CDH2: variants seen among roughly 807,000 people sequenced by gnomAD.
The protein encoded by CDH2 is cadherin 2, also known as cadherin-2.
In CDH2, 17 loss-of-function variants were observed where a neutral mutation model predicts 92.0. The observed-to-expected ratio is 0.18, with a 90% CI of 0.13 to 0.28. The LOEUF (loss-of-function observed/expected upper bound fraction) is 0.28. Among genes scored for constraint, CDH2 ranks in the 10% least tolerant of loss-of-function variants. The pLI is 1.00. For missense variants in CDH2, 862 were observed against 1,133.1 expected, an observed-to-expected ratio of 0.76 and a Z score of 3.44; for synonymous variants, 419 against 415.9, an observed-to-expected ratio of 1.01 and a Z score of -0.09.
At chr18:28,109,123 C>G (rs1279131003) in intron 2 of CDH2, among the ~76,000 whole-genome samples, 1 of 152,116 alleles carries the variant, frequency 6.6e-6, no homozygotes, top group East Asian at 1.9e-4. Context: ...CTACAAACTC[C>G]TATTACTGGA....
At chr18:28,004,919 G>T (rs1185082294) in intron 6 of CDH2, among the ~76,000 whole-genome samples, 3 of 152,206 alleles carry the variant, frequency 2.0e-5, no homozygotes, top group East Asian at 3.9e-4. Flanking sequence ...GGCATAGTTG[G>T]TTATATCTAT....
chr18:28,030,346 A>T (rs756974091), intron 2 of CDH2, among the ~76,000 whole-genome samples: 9 of 151,986 alleles, frequency 5.9e-5, no homozygotes, highest in Non-Finnish European at 7.4e-5. Flanking sequence ...GGACTTTTTT[A>T]AAAAAATGTA....
chr18:28,158,726 T>C (rs2016260129), intron 1 of CDH2, among the ~76,000 whole-genome samples: 1 of 152,184 alleles, frequency 6.6e-6, no homozygotes, highest in Non-Finnish European at 1.5e-5. Flanking sequence ...ACTCTCATTA[T>C]CTCACAAGTG....
intron 2 of CDH2, among the ~76,000 whole-genome samples, chr18:28,047,554 T>A (rs1020944083): frequency 1.3e-5 from 2 of 152,048 alleles, no homozygotes; most frequent in Non-Finnish European, 2.9e-5. Flanking sequence ...GAGACTGACA[T>A]AAAGAGATTG....
intron 2 of CDH2, among the ~76,000 whole-genome samples, chr18:28,084,619 C>G (rs922762880): frequency 1.3e-5 from 2 of 151,764 alleles, no homozygotes; most frequent in African/African-American, 4.8e-5. Flanking sequence ...CATAAAATAT[C>G]AAAAGTACCA....
At chr18:28,126,680 AAGAG>A (rs960498512) in intron 2 of CDH2, among the ~76,000 whole-genome samples, 1 of 152,182 alleles carries the variant, frequency 6.6e-6, no homozygotes, top group African/African-American at 2.4e-5. Flanking sequence ...CTATTAAATA[AAGAG>A]AGTGAGTGCC....
intron 15 of CDH2, among the ~76,000 whole-genome samples, chr18:27,957,441 G>GTTT (rs58110554): frequency 1.4e-4 from 21 of 151,476 alleles, no homozygotes; most frequent in East Asian, 7.9e-4. Context: ...TGTATAGAGG[G>GTTT]TTTTTTTATC....
At chr18:27,999,728 GTA>G (rs1187909225) in intron 7 of CDH2, among the ~76,000 whole-genome samples, 1 of 150,818 alleles carries the variant, frequency 6.6e-6, no homozygotes. Flanking sequence ...GTGTGTTTGT[GTA>G]TATATATATA....
chr18:28,108,347 T>C (rs979365482), intron 2 of CDH2, among the ~76,000 whole-genome samples: 10 of 152,214 alleles, frequency 6.6e-5, no homozygotes, highest in Admixed American at 2.0e-4. Flanking sequence ...TAACTCTTTC[T>C]GGTCACTGGA....
chr18:28,176,772 C>G (rs967370661), intron 1 of CDH2, among the ~76,000 whole-genome samples, 191 bp downstream of exon 1: 12 of 151,630 alleles, frequency 7.9e-5, no homozygotes, highest in Admixed American at 4.6e-4. Context: ...CTGGCCCCGG[C>G]AACCCTGCCC....
chr18:28,038,422 AGTGT>A (rs57601293), intron 2 of CDH2, among the ~76,000 whole-genome samples: 15,973 of 142,270 alleles, frequency 0.11, 2,316 homozygotes, highest in African/African-American at 0.34. Flanking sequence ...CCTTGTCTCA[AGTGT>A]GTGTGTGTGT....
At chr18:28,022,685 A>T (rs769089385) in intron 2 of CDH2, among the ~76,000 whole-genome samples, 60 of 152,256 alleles carry the variant, frequency 3.9e-4, no homozygotes, top group Non-Finnish European at 7.5e-4. Context: ...TTGGAAATGC[A>T]AATGTTTTTC....
chr18:28,148,031 T>C (rs2016065152), intron 1 of CDH2, among the ~76,000 whole-genome samples: 1 of 152,192 alleles, frequency 6.6e-6, no homozygotes, highest in Non-Finnish European at 1.5e-5. Flanking sequence ...TAGGTTCTTC[T>C]AAGGACTGAA....
chr18:28,058,847 T>C (rs1204804406), intron 2 of CDH2, among the ~76,000 whole-genome samples: 1 of 152,232 alleles, frequency 6.6e-6, no homozygotes, highest in Non-Finnish European at 1.5e-5. Flanking sequence ...AGATTGCTTA[T>C]TGGCTAAGTA....
rs551790376 is a variant in CDH2 at position 28,064,329 on chromosome 18, C to T, written c.173-50420G>A. Among the ~76,000 whole-genome samples, 4 of 151,936 alleles carry T rather than the reference C, an allele frequency of 2.6e-5. No homozygotes were observed. The South Asian group carries it at 8.3e-4, about 32-fold the overall frequency. ...TCACTCTGTCACCCAGGCTAGATGC[C>T]CAGGCAGTCTCTCACCCTGAAACTC... On this transcript the variant is annotated intron_variant, in intron 2 of 15. Coordinates refer to ENST00000269141, the MANE Select transcript of CDH2 (RefSeq NM_001792.5).
chr18:28,070,410 G>A (rs1315689004), intron 2 of CDH2, among the ~76,000 whole-genome samples: 1 of 152,164 alleles, frequency 6.6e-6, no homozygotes, highest in Non-Finnish European at 1.5e-5. Flanking sequence ...AGGAGCAGAG[G>A]TGGGATTTGC....
At chr18:28,070,793 T>C (rs1456453261) in intron 2 of CDH2, among the ~76,000 whole-genome samples, 1 of 152,192 alleles carries the variant, frequency 6.6e-6, no homozygotes, top group Non-Finnish European at 1.5e-5. Flanking sequence ...AGGCAGCATG[T>C]CAGGAAATGG....
chr18:28,022,472 C>A (rs1049044369), intron 2 of CDH2, among the ~76,000 whole-genome samples: 2 of 151,942 alleles, frequency 1.3e-5, no homozygotes, highest in African/African-American at 4.8e-5. Context: ...TGTATGTCTC[C>A]TGATTGAAAT....
chr18:28,088,432 C>T (rs1424557509), intron 2 of CDH2, among the ~76,000 whole-genome samples: 6 of 152,046 alleles, frequency 3.9e-5, no homozygotes, highest in Non-Finnish European at 7.4e-5. Flanking sequence ...TTTTTTCATT[C>T]GAATTAAATT....
Sources: gnomAD v4.1 joint callset for allele counts (sites outside exome capture counted in the v4.1 genomes callset) on GRCh38, gnomAD v4.1.1 for gene constraint, MANE v1.5 for transcripts, NCBI Gene and HGNC (gene_info 2026-07-23, HGNC 2026-07-21) for gene names.